Variants in ZNF773 observed in about 807,000 individuals in gnomAD.
ZNF773 encodes zinc finger protein 419B.
In ZNF773, 11 loss-of-function variants were observed where a neutral mutation model predicts 12.8. That is an observed-to-expected ratio of 0.86 (90% confidence interval 0.54 to 1.42). The LOEUF is 1.42. Ranked by LOEUF, ZNF773 falls within the 40% of genes most tolerant of loss-of-function variation. The pLI is 0.00. For missense variants in ZNF773, 518 were observed against 527.2 expected (o/e 0.98, Z 0.17); for synonymous variants, 175 against 178.4 (o/e 0.98, Z 0.15).
At chr19:57,508,234 A>T, downstream of ZNF773, 1 of 1,162,444 alleles carries the variant, frequency 8.6e-7, no homozygotes. Flanking sequence ...CCAAATATGC[A>T]CACTGGAGGC....
chr19:57,501,857 G>A (rs2089674131), intron 1 of ZNF773, among the ~76,000 whole-genome samples: 1 of 152,084 alleles, frequency 6.6e-6, no homozygotes, highest in African/African-American at 2.4e-5. Flanking sequence ...GGGACTCCTT[G>A]CTGGCTATTC....
At chr19:57,505,796 C>T (rs766311619) in intron 3 of ZNF773, among the ~76,000 whole-genome samples, 17 of 150,604 alleles carry the variant, frequency 1.1e-4, no homozygotes, top group African/African-American at 3.4e-4. Flanking sequence ...CTGCAAGCTC[C>T]GCCTATCAGG....
At chr19:57,504,542 G>A in intron 1 of ZNF773, 115 bp from the exon 2 acceptor site, 7 of 1,477,258 alleles carry the variant, frequency 4.7e-6, no homozygotes, top group Non-Finnish European at 6.5e-6. Context: ...CTGGGGCAGG[G>A]TCTCTCTTCT....
chr19:57,515,861 T>C (rs1305380765), downstream of ZNF773: 1 of 152,216 alleles, frequency 6.6e-6, no homozygotes, highest in African/African-American at 2.4e-5. Flanking sequence ...AAAATTACAT[T>C]TAGCCTTATT....
At position 57,506,835 on chromosome 19, in the gene ZNF773, A is replaced by C; in HGVS notation, c.740A>C (p.Tyr247Ser). ...HQIVHTGERP[Y>S]GCSDCGKSFS... Reference sequence around the variant, plus strand: ...ATAGTTCACACTGGAGAAAGGCCTTATGGGTGTAGTGACTGTGGAAAATCC... The same window carrying C: ...ATAGTTCACACTGGAGAAAGGCCTTCTGGGTGTAGTGACTGTGGAAAATCC... The change falls in exon 4 of 4, where the codon TAT becomes TCT. Residue 247 changes from tyrosine to serine, a missense_variant. Transcript: ENST00000282292. The C allele has an allele frequency of 6.2e-7, 1 of 1,614,168 alleles. No homozygotes were observed.
downstream of ZNF773, chr19:57,515,790 C>T (rs534588579): frequency 6.6e-6 from 1 of 152,280 alleles, no homozygotes; most frequent in South Asian, 2.1e-4. Context: ...GCACATCAAA[C>T]ATTACAATGC....
intron 3 of ZNF773, 85 bp from the exon 4 acceptor site, chr19:57,506,273 T>C: frequency 6.5e-7 from 1 of 1,534,046 alleles, no homozygotes; most frequent in Non-Finnish European, 8.7e-7. Flanking sequence ...ACACGCTAAT[T>C]ACCAGGTGTG....
chr19:57,502,971 A>G (rs1408400224), intron 1 of ZNF773, among the ~76,000 whole-genome samples: 2 of 152,182 alleles, frequency 1.3e-5, no homozygotes, highest in Non-Finnish European at 2.9e-5. Flanking sequence ...GATTACAGAC[A>G]TGAGCCACAG....
chr19:57,506,906 G>A lies in ZNF773; in HGVS notation c.811G>A (p.Gly271Arg), dbSNP rs368874955. Residue 271 changes from glycine to arginine, a missense_variant, in exon 4 of 4, where the codon GGA becomes AGA. Transcript: ENST00000282292. ...CATTCAACACCAGAGAGTTCACACT[G>A]GAGAAAAGCCTTTTACATGCAGTGA... ...DLIQHQRVHTGEKPFTCSECG... is the reference protein window; with the variant it reads ...DLIQHQRVHTREKPFTCSECG... 1.1e-5 allele frequency: 18 copies of A among 1,614,060 alleles called. No homozygotes were observed. The highest frequency in any genetic ancestry group is 1.1e-5 in the Non-Finnish European group (13 of 1,180,048).
Position 57,507,970 on chromosome 19 carries a change from C to G in ZNF773, c.*546C>G, listed in dbSNP as rs1324819972. ...ACTGGGTGACAGAGTGAGACTCTGT[C>G]TAAAAAAAAAAAAAAAAAAAATTAG... On this transcript the variant is annotated 3_prime_UTR_variant, in exon 4 of 4. Transcript: ENST00000282292. 4 of 122,508 alleles carry G rather than the reference C, an allele frequency of 3.3e-5. No individual in the cohort carries two copies. The highest frequency in any genetic ancestry group is 6.1e-5 in the Non-Finnish European group (4 of 65,280). 7.6% of individuals were successfully genotyped at this position (122,508 alleles called of 1,614,324 possible).
In ZNF773 at chr19:57,505,416, A is replaced by T. The variant is rs1477401013; in HGVS notation, c.262+16A>T. ...ATACTGAGAGGTACTTGGTGGGTGG[A>T]GCTCAGGGAGGTATGAACTCGGGTA... On this transcript the variant is annotated intron_variant, in intron 3 of 3. Transcript: ENST00000282292. 1 of 1,613,978 alleles carries T rather than the reference A, an allele frequency of 6.2e-7. No homozygotes were observed. Among genetic ancestry groups the T allele is most frequent in the Non-Finnish European group, 8.5e-7 (1 of 1,179,914 alleles).
At chr19:57,517,319 A>G (rs937771246), downstream of ZNF773, 26 of 152,142 alleles carry the variant, frequency 1.7e-4, no homozygotes, top group African/African-American at 5.8e-4. Flanking sequence ...TGGATTATAG[A>G]TTCCTGTAAA....
In ZNF773 at chr19:57,504,680, C is replaced by T. The variant is rs142610374; in HGVS notation, c.57C>T (p.Asp19=). Residue 19 remains aspartate (D), a synonymous_variant, in exon 2 of 4, where the codon GAC becomes GAT. Coordinates refer to ENST00000282292, the MANE Select transcript of ZNF773 (RefSeq NM_198542.3). ...PAQQGYVTFE[D]VAVYFSQEEW... is the part of the protein sequence containing the mutation. ...AGCAGGGCTATGTGACCTTTGAGGA[C>T]GTGGCTGTCTACTTCTCCCAGGAGG... 1.2e-3 allele frequency: 1,897 copies of T among 1,613,076 alleles called. 17 individuals carry two copies. The East Asian group carries it at 0.018, about 16-fold the overall frequency.
At chr19:57,511,055 AT>A (rs58295363), downstream of ZNF773, among the ~76,000 whole-genome samples, 9,265 of 116,606 alleles carry the variant, frequency 0.079, 980 homozygotes, top group African/African-American at 0.29. Context: ...TATTTTATTT[AT>A]TTTTTTTTTT....
At chr19:57,517,277 A>C (rs1487959263), downstream of ZNF773, 2 of 152,184 alleles carry the variant, frequency 1.3e-5, no homozygotes, top group Non-Finnish European at 2.9e-5. Flanking sequence ...AACACACAGC[A>C]TATCCACCCT....
downstream of ZNF773, among the ~76,000 whole-genome samples, chr19:57,511,069 T>TTTTA: frequency 8.1e-6 from 1 of 122,954 alleles, no homozygotes; most frequent in Admixed American, 8.4e-5. Flanking sequence ...TTTTTTTTTT[T>TTTTA]GAGACGGAGT....
downstream of ZNF773, among the ~76,000 whole-genome samples, chr19:57,511,736 C>T (rs1013130681): frequency 3.3e-5 from 5 of 151,238 alleles, no homozygotes; most frequent in African/African-American, 1.2e-4. Context: ...CACACACACA[C>T]ATACACACAT....
At chr19:57,502,451 T>C (rs1381970459) in intron 1 of ZNF773, among the ~76,000 whole-genome samples, 3 of 152,074 alleles carry the variant, frequency 2.0e-5, no homozygotes, top group East Asian at 3.9e-4. Flanking sequence ...GCCTCTATTG[T>C]TTGTATTTTT....
intron 3 of ZNF773, among the ~76,000 whole-genome samples, chr19:57,505,665 C>T (rs1227713404): frequency 2.0e-5 from 3 of 151,354 alleles, no homozygotes; most frequent in Non-Finnish European, 4.4e-5. Context: ...TGAGGTGGGG[C>T]GCTTATTCTT....
Sources: gnomAD v4.1 joint callset for allele counts (sites outside exome capture counted in the v4.1 genomes callset) on GRCh38, gnomAD v4.1.1 for gene constraint, MANE v1.5 for transcripts, NCBI Gene and HGNC (gene_info 2026-07-23, HGNC 2026-07-21) for gene names.